The following NCKAP5 variants were observed in gnomAD, a reference collection of about 807,000 sequenced individuals.
NCKAP5 encodes nck-associated protein 5.
In NCKAP5, 92 loss-of-function variants were observed where a neutral mutation model predicts 167.0. That is an observed-to-expected ratio of 0.55 (90% CI 0.47 to 0.66). NCKAP5 has a LOEUF of 0.66. NCKAP5 is among the 30% of genes least tolerant of loss of function. The probability of loss-of-function intolerance (pLI) is 0.00; values close to 1 mark genes in which losing one functional copy is unlikely to be tolerated. For missense variants in NCKAP5, 2,378 were observed against 2,315.0 expected, an observed-to-expected ratio of 1.03 and a Z score of -0.56; for synonymous variants, 891 against 877.4, an observed-to-expected ratio of 1.02 and a Z score of -0.27.
At chr2:133,195,755 C>T (rs2085408011) in intron 5 of NCKAP5, among the ~76,000 whole-genome samples, 1 of 151,936 alleles carries the variant, frequency 6.6e-6, no homozygotes, top group African/African-American at 2.4e-5. Context: ...ATAAGAGAAG[C>T]CTCTTAGACA....
Position 133,015,181 on chromosome 2 carries a change from CT to C in NCKAP5, c.342-20943del, listed in dbSNP as rs921154893. On this transcript the variant is annotated intron_variant, in intron 6 of 19. Coordinates refer to ENST00000409261, the MANE Select transcript of NCKAP5 (RefSeq NM_207363.3). ...GGTAAGAATGCTACATAAATTATCT[CT>C]TTTTTTTTCTTATCACAGCTCAATT... Among the ~76,000 whole-genome samples, 715 of 151,632 alleles carry C rather than the reference CT, an allele frequency of 4.7e-3. 11 individuals carry two copies. The highest frequency in any genetic ancestry group is 0.017 in the African/African-American group (683 of 41,348).
chr2:133,443,604 G>T (rs747763724), intron 3 of NCKAP5, among the ~76,000 whole-genome samples: 4 of 152,076 alleles, frequency 2.6e-5, no homozygotes, highest in African/African-American at 4.8e-5. Context: ...TGAGCTGCCC[G>T]CAGCCGTCTC....
chr2:133,462,889 G>A (rs200597454), intron 3 of NCKAP5, among the ~76,000 whole-genome samples: 5 of 152,074 alleles, frequency 3.3e-5, no homozygotes, highest in East Asian at 1.9e-4. Context: ...ATCTTCCACC[G>A]GCCCTACTCC....
At chr2:132,944,960 C>G (rs1410278932) in intron 8 of NCKAP5, among the ~76,000 whole-genome samples, 1 of 152,076 alleles carries the variant, frequency 6.6e-6, no homozygotes, top group Non-Finnish European at 1.5e-5. Flanking sequence ...TCTTTGGATT[C>G]CAGAGGCAAA....
chr2:132,781,584 G>A (rs1302594435), intron 14 of NCKAP5, among the ~76,000 whole-genome samples: 8 of 152,116 alleles, frequency 5.3e-5, no homozygotes. Context: ...TATAATCAAC[G>A]AAATCGGCAT....
chr2:133,296,392 G>A (rs868072422), intron 4 of NCKAP5, among the ~76,000 whole-genome samples: 2 of 149,456 alleles, frequency 1.3e-5, no homozygotes, highest in Admixed American at 1.3e-4. Flanking sequence ...TCTGAATCTC[G>A]GAGGAGGCTG....
At chr2:133,048,503 C>T (rs2079488608) in intron 6 of NCKAP5, among the ~76,000 whole-genome samples, 1 of 152,142 alleles carries the variant, frequency 6.6e-6, no homozygotes, top group Non-Finnish European at 1.5e-5. Flanking sequence ...GAACTCATCA[C>T]CAATGGTTTA....
At chr2:132,789,677 G>C (rs1329281730) in intron 13 of NCKAP5, among the ~76,000 whole-genome samples, 1 of 152,102 alleles carries the variant, frequency 6.6e-6, no homozygotes, top group Non-Finnish European at 1.5e-5. Context: ...AAGCACAAAG[G>C]TATCTCCAGC....
intron 3 of NCKAP5, among the ~76,000 whole-genome samples, chr2:133,426,285 A>T (rs80089424): frequency 1.3e-5 from 2 of 152,110 alleles, no homozygotes; most frequent in African/African-American, 4.8e-5. Flanking sequence ...AAAAAGTTCA[A>T]GTTATTTAGA....
intron 3 of NCKAP5, among the ~76,000 whole-genome samples, chr2:133,308,769 C>T (rs868030315): frequency 5.7e-5 from 7 of 123,410 alleles, no homozygotes; most frequent in South Asian, 5.4e-4. Context: ...ACTGCAGTGG[C>T]GCAATCTCGG....
intron 6 of NCKAP5, among the ~76,000 whole-genome samples, chr2:133,025,060 G>C (rs1257799837): frequency 6.6e-6 from 1 of 152,180 alleles, no homozygotes. Context: ...AGATGAATTA[G>C]TCCAATTACC....
chr2:133,025,558 G>A (rs1034359981), intron 6 of NCKAP5, among the ~76,000 whole-genome samples: 5 of 152,152 alleles, frequency 3.3e-5, no homozygotes, highest in Non-Finnish European at 7.3e-5. Context: ...GTAGAAGTGA[G>A]TTTTAGAGGA....
rs545451781 is a variant in NCKAP5 at position 133,314,407 on chromosome 2, A to G, written c.70-11297T>C. Reference sequence around the variant, plus strand: ...ACACAGATTACTGGGTCCTGACCCCAGAGTTTGATTCAGTGGGCATGCAAT... The same window carrying G: ...ACACAGATTACTGGGTCCTGACCCCGGAGTTTGATTCAGTGGGCATGCAAT... On this transcript the variant is annotated intron_variant, in intron 3 of 19. Coordinates refer to ENST00000409261, the MANE Select transcript of NCKAP5 (RefSeq NM_207363.3). 8.1e-4 allele frequency among the ~76,000 whole-genome samples: 124 copies of G among 152,276 alleles called. 1 individual carries two copies. The highest frequency in any genetic ancestry group is 2.9e-3 in the African/African-American group (121 of 41,562).
chr2:133,160,388 T>C (rs933368894), intron 5 of NCKAP5, among the ~76,000 whole-genome samples: 3 of 151,570 alleles, frequency 2.0e-5, no homozygotes, highest in Non-Finnish European at 2.9e-5. Context: ...AAAGACTCTA[T>C]TTCCCAATAA....
intron 3 of NCKAP5, among the ~76,000 whole-genome samples, chr2:133,384,644 G>T (rs1435647668): frequency 6.6e-6 from 1 of 152,106 alleles, no homozygotes; most frequent in African/African-American, 2.4e-5. Context: ...AATTACCTTG[G>T]GCAATATGGC....
At chr2:133,317,769 G>A (rs879677766) in intron 3 of NCKAP5, among the ~76,000 whole-genome samples, 4 of 152,202 alleles carry the variant, frequency 2.6e-5, no homozygotes, top group Non-Finnish European at 5.9e-5. Flanking sequence ...GTATTTCAAT[G>A]TGATGCCCTA....
chr2:133,570,674 G>A (rs1688832360), upstream of NCKAP5, among the ~76,000 whole-genome samples: 1 of 152,154 alleles, frequency 6.6e-6, no homozygotes, highest in Non-Finnish European at 1.5e-5. Context: ...GACAAATGAA[G>A]TTTTAAGGTA....
the NCKAP5 span, among the ~76,000 whole-genome samples, chr2:133,663,183 G>A: frequency 2.6e-5 from 4 of 151,614 alleles, no homozygotes; most frequent in Non-Finnish European, 5.9e-5. Flanking sequence ...GGAGAATGGC[G>A]TGAACCCGGG....
the NCKAP5 span, among the ~76,000 whole-genome samples, chr2:133,615,636 C>A: frequency 6.6e-6 from 1 of 152,126 alleles, no homozygotes; most frequent in Non-Finnish European, 1.5e-5. Flanking sequence ...TACAGGAGCA[C>A]CCAGATTCAT....
Sources: gnomAD v4.1 joint callset for allele counts (sites outside exome capture counted in the v4.1 genomes callset) on GRCh38, gnomAD v4.1.1 for gene constraint, MANE v1.5 for transcripts, NCBI Gene and HGNC (gene_info 2026-07-23, HGNC 2026-07-21) for gene names.